The following PTPRK variants were observed in gnomAD, a reference collection of about 807,000 sequenced individuals.
The protein encoded by PTPRK is receptor-type tyrosine-protein phosphatase kappa.
Under a neutral mutation model 178.0 loss-of-function variants are expected in PTPRK, and 75 were observed. The ratio of observed to expected loss-of-function variants is 0.42; its 90% CI spans 0.35 to 0.51. The LOEUF is 0.51. Ranked by LOEUF, PTPRK falls within the 20% of genes least tolerant of loss-of-function variation. PTPRK has a pLI of 0.02. For missense variants in PTPRK, 1,441 were observed against 1,797.8 expected, an observed-to-expected ratio of 0.80 and a Z score of 3.59; for synonymous variants, 637 against 620.6, an observed-to-expected ratio of 1.03 and a Z score of -0.39.
chr6:128,432,701 C>A (rs1435900868), intron 1 of PTPRK, among the ~76,000 whole-genome samples: 2 of 151,604 alleles, frequency 1.3e-5, no homozygotes, highest in Non-Finnish European at 2.9e-5. Context: ...CAAAGTGAAT[C>A]TAAACCAATG....
At chr6:128,100,684 C>T (rs999372601) in intron 7 of PTPRK, among the ~76,000 whole-genome samples, 2 of 151,772 alleles carry the variant, frequency 1.3e-5, no homozygotes, top group East Asian at 1.9e-4. Context: ...TATATGAAGA[C>T]ACATAGAATA....
chr6:128,391,208 T>C (rs1839511230), intron 2 of PTPRK, among the ~76,000 whole-genome samples: 1 of 152,140 alleles, frequency 6.6e-6, no homozygotes, highest in African/African-American at 2.4e-5. Context: ...ATCTGAAGTT[T>C]TCACGCTCCT....
chr6:128,321,979 T>C (rs771593155), intron 3 of PTPRK, 60 bp downstream of exon 3: 1 of 1,602,398 alleles, frequency 6.2e-7, no homozygotes, highest in South Asian at 1.1e-5. Context: ...ATCTATGTAT[T>C]ACACATATAG....
At chr6:128,286,100 C>G (rs1212827719) in intron 3 of PTPRK, among the ~76,000 whole-genome samples, 1 of 152,040 alleles carries the variant, frequency 6.6e-6, no homozygotes, top group African/African-American at 2.4e-5. Context: ...CTCTATTATG[C>G]ACCCTCCCCA....
chr6:128,490,172 A>G (rs768026096), intron 1 of PTPRK, among the ~76,000 whole-genome samples: 7 of 152,246 alleles, frequency 4.6e-5, no homozygotes, highest in African/African-American at 7.2e-5. Flanking sequence ...AAAAGATGAC[A>G]GTCAAGAATA....
At chr6:128,302,663 G>A (rs916107162) in intron 3 of PTPRK, among the ~76,000 whole-genome samples, 6 of 150,710 alleles carry the variant, frequency 4.0e-5, no homozygotes, top group South Asian at 2.2e-4. Flanking sequence ...TACTTAACTC[G>A]TTATATGTTG....
chr6:128,367,003 G>A (rs189106284), intron 2 of PTPRK, among the ~76,000 whole-genome samples: 4 of 152,174 alleles, frequency 2.6e-5, no homozygotes, highest in East Asian at 1.9e-4. Context: ...CAAACTTCTC[G>A]TTTGATGCTC....
intron 5 of PTPRK, among the ~76,000 whole-genome samples, chr6:128,229,114 T>C (rs1583585955): frequency 6.6e-6 from 1 of 150,768 alleles, no homozygotes; most frequent in East Asian, 2.0e-4. Flanking sequence ...ATATGACAGG[T>C]GGGCTAATAT....
chr6:128,148,915 T>C lies in PTPRK; in HGVS notation c.1162+35517A>G, dbSNP rs145420887. Among the ~76,000 whole-genome samples, 24 of 152,228 alleles carry C rather than the reference T, an allele frequency of 1.6e-4. 1 individual carries two copies. The highest frequency in any genetic ancestry group is 5.9e-4 in the Admixed American group (9 of 15,266). ...TGAGACTTGGTTTATTCTAGGATCA[T>C]ATTATGCCTTTCCAGGAAAAGAACA... On this transcript the variant is annotated intron_variant, in intron 7 of 29. Coordinates refer to ENST00000368226, the MANE Select transcript of PTPRK (RefSeq NM_002844.4).
chr6:128,471,991 A>AAG (rs745939025), intron 1 of PTPRK, among the ~76,000 whole-genome samples: 4 of 151,676 alleles, frequency 2.6e-5, no homozygotes, highest in Admixed American at 2.6e-4. Context: ...GCAGAAACAA[A>AAG]AGAGAGAGAG....
At chr6:128,128,718 A>C (rs138695359) in intron 7 of PTPRK, among the ~76,000 whole-genome samples, 148 of 152,342 alleles carry the variant, frequency 9.7e-4, no homozygotes, top group African/African-American at 3.5e-3. Flanking sequence ...TTTAAGATAC[A>C]GTAAAAACTT....
intron 7 of PTPRK, among the ~76,000 whole-genome samples, chr6:128,113,376 T>C (rs529711371): frequency 2.0e-3 from 294 of 149,472 alleles, no homozygotes; most frequent in African/African-American, 5.7e-3. Flanking sequence ...TACATAAATA[T>C]ATATAAGAAA....
chr6:128,070,854 T>C (rs1782692901), intron 11 of PTPRK, among the ~76,000 whole-genome samples: 4 of 151,740 alleles, frequency 2.6e-5, no homozygotes, highest in Admixed American at 2.0e-4. Context: ...TGGTTTCAAA[T>C]AGGATAATGG....
chr6:128,349,671 T>C (rs1364173636), intron 2 of PTPRK, among the ~76,000 whole-genome samples: 4 of 152,102 alleles, frequency 2.6e-5, no homozygotes, highest in Non-Finnish European at 5.9e-5. Flanking sequence ...CATTGTGTCA[T>C]AGGCTTTATT....
intron 7 of PTPRK, among the ~76,000 whole-genome samples, chr6:128,125,315 T>C (rs1793159114): frequency 6.6e-6 from 1 of 152,162 alleles, no homozygotes. Context: ...CCTGTGATAC[T>C]GTCCTCATGA....
intron 6 of PTPRK, among the ~76,000 whole-genome samples, chr6:128,196,170 T>C (rs1382047469): frequency 6.6e-6 from 1 of 152,034 alleles, no homozygotes; most frequent in Non-Finnish European, 1.5e-5. Context: ...GGCTTAATGA[T>C]GGGGGAAGAA....
At position 128,218,950 on chromosome 6, in the gene PTPRK, C is replaced by T. The variant is rs754095269; in HGVS notation, c.840G>A (p.Val280=). Residue 280 remains valine (V), a synonymous_variant, in exon 6 of 30, where the codon GTG becomes GTA. Coordinates refer to ENST00000368226, the MANE Select transcript of PTPRK (RefSeq NM_002844.4). ...CVTQSERGSG[V]SNFAQLIVRE... ...TCACAATAAGTTGAGCAAAATTGGA[C>T]ACACCGGAACCTCGTTCTGACTGAG... 1 of 1,613,056 alleles carries T rather than the reference C, an allele frequency of 6.2e-7. No homozygotes were observed. Among genetic ancestry groups the T allele is most frequent in the South Asian group, 1.1e-5 (1 of 90,770 alleles).
chr6:128,434,825 G>A (rs1010007375), intron 1 of PTPRK, among the ~76,000 whole-genome samples: 17 of 151,930 alleles, frequency 1.1e-4, no homozygotes, highest in South Asian at 4.2e-4. Flanking sequence ...TTCAACACCA[G>A]CCTTGGCAAA....
At chr6:128,099,224 A>T (rs1788403835) in intron 7 of PTPRK, among the ~76,000 whole-genome samples, 1 of 151,022 alleles carries the variant, frequency 6.6e-6, no homozygotes, top group Non-Finnish European at 1.5e-5. Context: ...AAATCCCTCT[A>T]ATACTGCTTA....
Sources: allele counts gnomAD v4.1 joint callset (sites outside exome capture counted in the v4.1 genomes callset), GRCh38; gene constraint gnomAD v4.1.1; transcripts MANE v1.5; gene names NCBI Gene and HGNC (gene_info 2026-07-23, HGNC 2026-07-21).